TK2: variants seen among roughly 807,000 people sequenced by gnomAD.
TK2 encodes thymidine kinase 2, mitochondrial.
In TK2, 35 loss-of-function variants were observed where a neutral mutation model predicts 41.9. That is an observed-to-expected ratio of 0.84 (90% confidence interval 0.64 to 1.11). The LOEUF (loss-of-function observed/expected upper bound fraction) is 1.11. Among genes scored for constraint, TK2 ranks in the 50% least tolerant of loss-of-function variants. The pLI is 0.00. For missense variants in TK2, 320 were observed against 351.1 expected (o/e 0.91, Z 0.71); for synonymous variants, 128 against 129.1 (o/e 0.99, Z 0.06).
At position 66,508,505 on chromosome 16, in the gene TK2, G is replaced by T. The variant is rs1006944063; in HGVS notation, c.*3463C>A. The T allele has an allele frequency of 6.6e-6, 1 of 152,260 alleles. No homozygotes were observed. The highest frequency in any genetic ancestry group is 6.5e-5 in the Admixed American group (1 of 15,288). The allele number at this position is 152,260 out of a possible 1,614,324, so 9.4% of individuals were successfully genotyped here. A position where few individuals can be genotyped will look rare whatever the true frequency, so the allele number is the denominator to read the frequency against. On this transcript the variant is annotated 3_prime_UTR_variant, in exon 10 of 10. Transcript: ENST00000544898. ...TTTTAATAACTAACTCTTCAGGGTG[G>T]AGAGGGCCAAGGAGATGGGTGTTCC...
chr16:66,531,377 T>C lies in TK2; in HGVS notation c.375+3A>G, dbSNP rs2144409297. On this transcript the variant is annotated splice_donor_region_variant and intron_variant, in intron 5 of 9. Transcript: ENST00000544898. ...AGGCTGAAACTGAGCATCTGAAACC[T>C]ACCTGAGGACGAGTATGCCTGTCCA... The C allele has an allele frequency of 6.2e-7, 1 of 1,614,138 alleles. No individual in the cohort carries two copies. Among genetic ancestry groups the C allele is most frequent in the Non-Finnish European group, 8.5e-7 (1 of 1,179,956 alleles).
rs2144356231 is a variant in TK2 at position 66,517,771 on chromosome 16, G to A, written c.538+18C>T. 2 of 1,611,446 alleles carry A rather than the reference G, an allele frequency of 1.2e-6. No individual in the cohort carries two copies. The highest frequency in any genetic ancestry group is 2.2e-5 in the East Asian group (1 of 44,870). On this transcript the variant is annotated intron_variant, in intron 7 of 9. Coordinates refer to ENST00000544898, the MANE Select transcript of TK2 (RefSeq NM_004614.5). The surrounding 1 kb of genome is among the most constrained non-coding windows in gnomAD (Gnocchi z 4.3). ...CAGGAGAGAGACAAGAGAGGGAGGT[G>A]GGAGGGGTGCATCTCACCTATCAAA...
chr16:66,517,774 A>C lies in TK2; in HGVS notation c.538+15T>G, dbSNP rs1382955546. 6.2e-7 allele frequency: 1 copy of C among 1,612,690 alleles called. No individual in the cohort carries two copies. Among genetic ancestry groups the C allele is most frequent in the Non-Finnish European group, 8.5e-7 (1 of 1,178,772 alleles). ...GAGAGAGACAAGAGAGGGAGGTGGG[A>C]GGGGTGCATCTCACCTATCAAATCA... On this transcript the variant is annotated intron_variant, in intron 7 of 9. Transcript: ENST00000544898. This position sits in a 1 kb window ranked among gnomAD's most constrained non-coding sequence, Gnocchi z 4.3.
chr16:66,542,258 C>A (rs552328768), intron 2 of TK2, among the ~76,000 whole-genome samples: 14 of 152,134 alleles, frequency 9.2e-5, no homozygotes, highest in Non-Finnish European at 1.5e-4. Flanking sequence ...TAGTTCAACC[C>A]CACAGACTAT....
rs1964451219 is a variant in TK2, at chr16:66,511,585, A to G, written c.*383T>C. 6 of 351,390 alleles carry G rather than the reference A, an allele frequency of 1.7e-5. No homozygotes were observed. Among genetic ancestry groups the G allele is most frequent in the Non-Finnish European group, 2.8e-5 (5 of 181,386 alleles). The allele number at this position is 351,390 out of a possible 1,614,324, so 21.8% of individuals were successfully genotyped here. ...CTGAGCTTCAAATTCCTCACCTGGGATATAAGACTCCTACCTCGGCCTCCT... is the reference window on the plus strand; with the variant it reads ...CTGAGCTTCAAATTCCTCACCTGGGGTATAAGACTCCTACCTCGGCCTCCT... On this transcript the variant is annotated 3_prime_UTR_variant, in exon 10 of 10. Transcript: ENST00000544898.
intron 8 of TK2, among the ~76,000 whole-genome samples, chr16:66,515,936 C>A (rs1463715746): frequency 6.6e-6 from 1 of 152,174 alleles, no homozygotes; most frequent in Non-Finnish European, 1.5e-5. Flanking sequence ...GAGCTCAGAG[C>A]CCCTGACACC....
At chr16:66,516,830 G>T (rs375146142) in intron 8 of TK2, among the ~76,000 whole-genome samples, 13 of 148,856 alleles carry the variant, frequency 8.7e-5, no homozygotes, top group African/African-American at 3.2e-4. Flanking sequence ...TCAGGAGGCA[G>T]AACAGACAAG....
chr16:66,543,604 C>T (rs958987324), intron 2 of TK2, among the ~76,000 whole-genome samples: 6 of 152,194 alleles, frequency 3.9e-5, no homozygotes, highest in Non-Finnish European at 5.9e-5. Flanking sequence ...CCCAGAGAAA[C>T]CTGGGCAACA....
intron 3 of TK2, among the ~76,000 whole-genome samples, chr16:66,539,435 C>T (rs1377243892): frequency 6.6e-6 from 1 of 151,808 alleles, no homozygotes; most frequent in African/African-American, 2.4e-5. Flanking sequence ...CCCATCTCTA[C>T]TAAAAATACA....
chr16:66,534,820 CCTTT>C (rs1486939725), intron 4 of TK2, among the ~76,000 whole-genome samples: 1 of 152,188 alleles, frequency 6.6e-6, no homozygotes, highest in Non-Finnish European at 1.5e-5. Flanking sequence ...CTGTTCTGCT[CCTTT>C]CCTCATTTTT....
chr16:66,547,114 A>G (rs988651299), intron 2 of TK2, among the ~76,000 whole-genome samples: 1 of 152,110 alleles, frequency 6.6e-6, no homozygotes, highest in Admixed American at 6.5e-5. Flanking sequence ...ATACTCAATT[A>G]TCTAATATTG....
chr16:66,518,028 G>C, intron 6 of TK2, 151 bp from the exon 7 acceptor site: 1 of 728,876 alleles, frequency 1.4e-6, no homozygotes, highest in Non-Finnish European at 2.5e-6. Flanking sequence ...GACATGCAGT[G>C]ACAAGGACCC....
At chr16:66,537,517 G>A (rs760101250) in intron 3 of TK2, among the ~76,000 whole-genome samples, 3 of 152,156 alleles carry the variant, frequency 2.0e-5, no homozygotes, top group East Asian at 1.9e-4. Flanking sequence ...TCTTTAGTAC[G>A]CTCCCTGTCT....
intron 2 of TK2, among the ~76,000 whole-genome samples, chr16:66,546,279 G>A (rs1010742668): frequency 3.9e-5 from 6 of 152,166 alleles, no homozygotes; most frequent in Non-Finnish European, 7.3e-5. Flanking sequence ...TTGTAGTGGT[G>A]TTTACTCTGT....
intron 6 of TK2, among the ~76,000 whole-genome samples, chr16:66,523,581 C>T (rs1964843364): frequency 6.6e-6 from 1 of 152,252 alleles, no homozygotes; most frequent in Non-Finnish European, 1.5e-5. Flanking sequence ...ATAATCCCAA[C>T]ACTTTGGGAG....
rs932889708 is a variant in TK2 at position 66,517,561 on chromosome 16, G to T, written c.538+228C>A. On this transcript the variant is annotated intron_variant, in intron 7 of 9. Coordinates refer to ENST00000544898, the MANE Select transcript of TK2 (RefSeq NM_004614.5). The surrounding 1 kb of genome is among the most constrained non-coding windows in gnomAD (Gnocchi z 4.3). The stretch of plus-strand genomic sequence containing the variant: ...AGTGGATTTGGGTCTGAAAGTAGCT[G>T]AGCCAGGGAGGGAAGTTTAAAGAAC... Among the ~76,000 whole-genome samples, 2 of 152,246 alleles carry T rather than the reference G, an allele frequency of 1.3e-5. No individual in the cohort carries two copies. Among genetic ancestry groups the T allele is most frequent in the African/African-American group, 2.4e-5 (1 of 41,466 alleles).
intron 6 of TK2, chr16:66,518,096 C>T (rs1214121747): frequency 1.7e-6 from 1 of 594,440 alleles, no homozygotes; most frequent in East Asian, 3.1e-5. Context: ...GCTGCAAGGG[C>T]CATGGCACGG....
chr16:66,537,564 T>C (rs1201584788), intron 3 of TK2, among the ~76,000 whole-genome samples: 1 of 152,214 alleles, frequency 6.6e-6, no homozygotes, highest in Admixed American at 6.5e-5. Flanking sequence ...CTGGTCCTGT[T>C]TGTACCTTTT....
At chr16:66,536,281 A>G (rs1052875432) in intron 4 of TK2, among the ~76,000 whole-genome samples, 2 of 152,090 alleles carry the variant, frequency 1.3e-5, no homozygotes, top group East Asian at 3.9e-4. Flanking sequence ...GGCAACTTAT[A>G]TAAGTGCAAT....
Sources: allele counts gnomAD v4.1 joint callset (sites outside exome capture counted in the v4.1 genomes callset), GRCh38; gene constraint gnomAD v4.1.1; non-coding constraint Gnocchi (gnomAD v3.1); transcripts MANE v1.5; gene names NCBI Gene and HGNC (gene_info 2026-07-23, HGNC 2026-07-21).